PBRM1: variants seen among roughly 807,000 people sequenced by gnomAD.
The protein encoded by PBRM1 is protein polybromo-1.
In PBRM1, 27 loss-of-function variants were observed where a neutral mutation model predicts 194.5. That is an observed-to-expected ratio of 0.14 (90% CI 0.10 to 0.19). PBRM1 has a LOEUF of 0.19. Ranked by LOEUF, PBRM1 falls within the 10% of genes least tolerant of loss-of-function variation. PBRM1 has a pLI of 1.00. For synonymous variants in PBRM1, 655 were observed against 693.2 expected (o/e 0.94, Z 0.87); for missense variants, 1,466 against 2,077.2 (o/e 0.71, Z 5.72).
chr3:52,650,737 C>T (rs1015491026), intron 6 of PBRM1, among the ~76,000 whole-genome samples: 2 of 152,112 alleles, frequency 1.3e-5, no homozygotes, highest in East Asian at 1.9e-4. Flanking sequence ...TGATACTACA[C>T]GCAACATACA....
At chr3:52,562,535 TTC>T (rs1209305875) in intron 24 of PBRM1, among the ~76,000 whole-genome samples, 1 of 145,364 alleles carries the variant, frequency 6.9e-6, no homozygotes, top group Non-Finnish European at 1.5e-5. Context: ...CTTGAGAAAA[TTC>T]TTTTTTTTTT....
intron 22 of PBRM1, among the ~76,000 whole-genome samples, chr3:52,575,647 A>G (rs1274606118): frequency 6.7e-6 from 1 of 148,282 alleles, no homozygotes. Flanking sequence ...CTAGGATTAC[A>G]GACATGTGCC....
upstream of PBRM1, among the ~76,000 whole-genome samples, chr3:52,683,267 G>A (rs778283271): frequency 2.6e-4 from 39 of 151,878 alleles, no homozygotes; most frequent in Non-Finnish European, 4.4e-4. Flanking sequence ...CCAGTTACTT[G>A]GGAGGCTGAA....
intron 15 of PBRM1, among the ~76,000 whole-genome samples, chr3:52,610,820 T>A (rs13065851): frequency 0.34 from 51,426 of 151,944 alleles, 9,706 homozygotes; most frequent in Admixed American, 0.46. Flanking sequence ...GCGCCTGTAA[T>A]CCCAGTTACT....
In PBRM1 at chr3:52,617,550, G is replaced by A. The variant is rs1055298663; in HGVS notation, c.1542-12C>T. 15 of 1,583,406 alleles carry A rather than the reference G, an allele frequency of 9.5e-6. No individual in the cohort carries two copies. Among genetic ancestry groups the A allele is most frequent in the Non-Finnish European group, 1.2e-5 (14 of 1,171,486 alleles). On this transcript the variant is annotated splice_polypyrimidine_tract_variant and intron_variant, in intron 13 of 29. Transcript: ENST00000296302. ...TTATGTTCTTTTTACTGTTGAGGGG[G>A]AGGTAGAAAAGGGGAAAAATTAGAA... is the stretch of plus-strand genomic sequence containing the variant.
rs926323302 is a variant in PBRM1 at position 52,609,816 on chromosome 3, G to A, written c.2064C>T (p.Pro688=). Reference sequence around the variant, plus strand: ...AGTAGTCAGGCAACTCAGATCTAGAGGGAAGCCTCAGAAATATGGCACTGA... The same window carrying A: ...AGTAGTCAGGCAACTCAGATCTAGAAGGAAGCCTCAGAAATATGGCACTGA... The change falls in exon 16 of 30, where the codon CCC becomes CCT. Residue 688 remains proline, a synonymous_variant. Transcript: ENST00000296302. This position sits in a 1 kb window ranked among gnomAD's most constrained non-coding sequence, Gnocchi z 4.1. 6.2e-7 allele frequency: 1 copy of A among 1,613,562 alleles called. No individual in the cohort carries two copies.
chr3:52,646,006 C>G (rs780348189), intron 7 of PBRM1, among the ~76,000 whole-genome samples: 17 of 152,166 alleles, frequency 1.1e-4, no homozygotes, highest in Non-Finnish European at 1.6e-4. Flanking sequence ...ATTATATACA[C>G]AAGTTTAGAA....
intron 20 of PBRM1, among the ~76,000 whole-genome samples, chr3:52,581,341 CT>C (rs2091114280): frequency 1.3e-5 from 2 of 152,128 alleles, no homozygotes; most frequent in Non-Finnish European, 2.9e-5. Context: ...AAAACCCCAT[CT>C]CTATTAAAGA....
chr3:52,575,508 CTTTTTTTTTT>C (rs1177139118), intron 22 of PBRM1, among the ~76,000 whole-genome samples: 7 of 87,160 alleles, frequency 8.0e-5, no homozygotes, highest in Admixed American at 4.0e-4. Flanking sequence ...AATCAATTGT[CTTTTTTTTTT>C]TTTTTTTTTT....
intron 10 of PBRM1, among the ~76,000 whole-genome samples, chr3:52,637,108 C>G (rs2095853255): frequency 6.6e-6 from 1 of 152,062 alleles, no homozygotes; most frequent in Non-Finnish European, 1.5e-5. Context: ...TACCTCTGAT[C>G]TCTCCCCTAA....
intron 16 of PBRM1, among the ~76,000 whole-genome samples, chr3:52,605,810 C>T (rs1054500284): frequency 6.6e-6 from 1 of 151,970 alleles, no homozygotes; most frequent in African/African-American, 2.4e-5. Context: ...ACCATGTTGG[C>T]CAGGCTGGTC....
At chr3:52,674,665 T>TATATATAC (rs1342966203) in intron 2 of PBRM1, among the ~76,000 whole-genome samples, 1 of 136,824 alleles carries the variant, frequency 7.3e-6, no homozygotes, top group African/African-American at 2.9e-5. Flanking sequence ...TATATATATA[T>TATATATAC]ACACACACAC....
At chr3:52,617,574 A>C (rs2153492699) in intron 13 of PBRM1, 36 bp from the exon 16 acceptor site, 1 of 1,512,746 alleles carries the variant, frequency 6.6e-7, no homozygotes. Flanking sequence ...GAAAAATTAG[A>C]ATAGGTTCAG....
intron 22 of PBRM1, among the ~76,000 whole-genome samples, chr3:52,571,991 T>C (rs912870549): frequency 3.3e-5 from 5 of 151,836 alleles, no homozygotes; most frequent in Admixed American, 6.6e-5. Flanking sequence ...TGAGTTATGA[T>C]TGTACCATTG....
chr3:52,553,557 C>T (rs2081484089), intron 27 of PBRM1, among the ~76,000 whole-genome samples: 1 of 150,100 alleles, frequency 6.7e-6, no homozygotes, highest in Non-Finnish European at 1.5e-5. Context: ...GGTGCGATCA[C>T]CACTCACTGC....
At chr3:52,553,999 C>G (rs748757310) in intron 27 of PBRM1, among the ~76,000 whole-genome samples, 2 of 152,002 alleles carry the variant, frequency 1.3e-5, no homozygotes, top group Non-Finnish European at 2.9e-5. Flanking sequence ...GGGGTCTCAC[C>G]AGGTTGCCCA....
At chr3:52,564,314 G>A in intron 22 of PBRM1, 81 bp from the exon 25 acceptor site, 1 of 991,036 alleles carries the variant, frequency 1.0e-6, no homozygotes, top group Non-Finnish European at 1.6e-6. Flanking sequence ...TATTATTTTT[G>A]GATGAATACA....
At chr3:52,673,524 T>TAGCCAGGCATA (rs2097002944) in intron 2 of PBRM1, among the ~76,000 whole-genome samples, 1 of 149,594 alleles carries the variant, frequency 6.7e-6, no homozygotes, top group Admixed American at 6.7e-5. Flanking sequence ...CAAAAAAAAT[T>TAGCCAGGCATA]AGCCAGGCAT....
intron 29 of PBRM1, among the ~76,000 whole-genome samples, chr3:52,549,481 A>G (rs2153351092): frequency 6.6e-6 from 1 of 152,304 alleles, no homozygotes; most frequent in East Asian, 1.9e-4. Context: ...ATGCATCTAT[A>G]CTAATGTCCA....
Sources: allele counts gnomAD v4.1 joint callset (sites outside exome capture counted in the v4.1 genomes callset), GRCh38; gene constraint gnomAD v4.1.1; non-coding constraint Gnocchi (gnomAD v3.1); transcripts MANE v1.5; gene names NCBI Gene and HGNC (gene_info 2026-07-23, HGNC 2026-07-21).